The following FANCC variants were observed in gnomAD, a reference collection of about 807,000 sequenced individuals.
FANCC encodes the protein Fanconi anemia group C protein.
Under a neutral mutation model 71.3 loss-of-function variants are expected in FANCC, and 55 were observed. The observed-to-expected ratio is 0.77, with a 90% confidence interval of 0.62 to 0.97. FANCC has a LOEUF of 0.97. FANCC is among the 50% of genes least tolerant of loss of function. FANCC has a pLI of 0.00. For synonymous variants in FANCC, 275 were observed against 244.9 expected, an observed-to-expected ratio of 1.12 and a Z score of -1.15; for missense variants, 678 against 670.9, an observed-to-expected ratio of 1.01 and a Z score of -0.12.
intron 1 of FANCC, among the ~76,000 whole-genome samples, chr9:95,275,113 A>G (rs1211205011): frequency 6.6e-6 from 1 of 151,286 alleles, no homozygotes; most frequent in Non-Finnish European, 1.5e-5. Context: ...CTCTACAAAA[A>G]AAAAAAAAAA....
chr9:95,108,327 C>T (rs2071620623), intron 13 of FANCC, among the ~76,000 whole-genome samples: 1 of 152,214 alleles, frequency 6.6e-6, no homozygotes, highest in Non-Finnish European at 1.5e-5. Flanking sequence ...CGCCCCTCAG[C>T]CGGCCCAGCC....
At chr9:95,214,837 C>G (rs535903255) in intron 4 of FANCC, among the ~76,000 whole-genome samples, 1 of 151,984 alleles carries the variant, frequency 6.6e-6, no homozygotes, top group African/African-American at 2.4e-5. Flanking sequence ...ATGGTGGTGC[C>G]GGGGCAGAGG....
intron 4 of FANCC, among the ~76,000 whole-genome samples, chr9:95,218,101 A>T (rs940682925): frequency 7.2e-5 from 11 of 152,228 alleles, no homozygotes; most frequent in Non-Finnish European, 1.2e-4. Flanking sequence ...GCAATTTAAA[A>T]ACTTCCCCCA....
chr9:95,268,011 C>G (rs1406311030), intron 1 of FANCC, among the ~76,000 whole-genome samples: 1 of 152,210 alleles, frequency 6.6e-6, no homozygotes, highest in Non-Finnish European at 1.5e-5. Context: ...TGGCCTCACT[C>G]GGACCTGGCT....
At chr9:95,196,977 T>C (rs938443605) in intron 4 of FANCC, among the ~76,000 whole-genome samples, 9 of 152,182 alleles carry the variant, frequency 5.9e-5, no homozygotes, top group Non-Finnish European at 1.3e-4. Context: ...ATTTACTATA[T>C]CATGAGCTTT....
At chr9:95,101,936 G>A (rs2071096077) in intron 14 of FANCC, 86 bp from the exon 15 acceptor site, 3 of 1,484,864 alleles carry the variant, frequency 2.0e-6, no homozygotes, top group Non-Finnish European at 2.8e-6. Flanking sequence ...TAACCACCCA[G>A]TCCCTGAAAG....
chr9:95,128,692 G>A (rs1826395744), intron 8 of FANCC, among the ~76,000 whole-genome samples: 1 of 152,162 alleles, frequency 6.6e-6, no homozygotes, highest in South Asian at 2.1e-4. Context: ...TCAATCCAAT[G>A]TTTTAAATGC....
At chr9:95,309,781 G>A (rs1835275765) in intron 1 of FANCC, among the ~76,000 whole-genome samples, 1 of 152,182 alleles carries the variant, frequency 6.6e-6, no homozygotes, top group Non-Finnish European at 1.5e-5. Flanking sequence ...ACACATGTTT[G>A]TGGGGTGGGG....
chr9:95,126,219 T>A (rs1332929016), intron 9 of FANCC, among the ~76,000 whole-genome samples: 1 of 152,242 alleles, frequency 6.6e-6, no homozygotes, highest in Non-Finnish European at 1.5e-5. Context: ...CCCTTTATTC[T>A]GAGCTGAGAA....
Position 95,231,832 on chromosome 9 carries a change from C to T in FANCC, c.345+8817G>A, listed in dbSNP as rs906977336. Among the ~76,000 whole-genome samples, 100 of 152,192 alleles carry T rather than the reference C, an allele frequency of 6.6e-4. 1 individual carries two copies. Among genetic ancestry groups the T allele is most frequent in the Non-Finnish European group, 7.5e-4 (51 of 68,024 alleles). On this transcript the variant is annotated intron_variant, in intron 4 of 14. Coordinates refer to ENST00000289081, the MANE Select transcript of FANCC (RefSeq NM_000136.3). ...AGGTATTACTTGAAGGCCACTCTCT[C>T]TTTTGCCAAGATCTTGTGGTGACCT...
chr9:95,170,928 A>G, intron 6 of FANCC, 151 bp downstream of exon 6: 1 of 674,124 alleles, frequency 1.5e-6, no homozygotes, highest in Non-Finnish European at 2.7e-6. Context: ...AAAACTCACC[A>G]ATTTGCTATG....
At chr9:95,281,721 C>T (rs545908239) in intron 1 of FANCC, among the ~76,000 whole-genome samples, 2 of 151,806 alleles carry the variant, frequency 1.3e-5, no homozygotes, top group Non-Finnish European at 2.9e-5. Context: ...ATAATAGCTA[C>T]GATAATTTGT....
chr9:95,147,764 G>A (rs1829758294), intron 7 of FANCC, among the ~76,000 whole-genome samples: 1 of 152,120 alleles, frequency 6.6e-6, no homozygotes, highest in Non-Finnish European at 1.5e-5. Context: ...ATCATTCAGA[G>A]TCTGAAGAAA....
intron 1 of FANCC, among the ~76,000 whole-genome samples, chr9:95,298,776 T>C (rs1415553985): frequency 6.6e-6 from 1 of 152,200 alleles, no homozygotes; most frequent in South Asian, 2.1e-4. Flanking sequence ...CAAAACCAAC[T>C]GGCAAAATCA....
In FANCC at chr9:95,294,900, G is replaced by T. The variant is rs567695763; in HGVS notation, c.-79+22626C>A. 100 of 1,188,106 alleles carry T rather than the reference G, an allele frequency of 8.4e-5. 1 individual carries two copies. In the South Asian group the frequency reaches 2.0e-3, roughly 24 times the overall value. The allele number at this position is 1,188,106 out of a possible 1,614,324, so 73.6% of individuals were successfully genotyped here. A position where few individuals can be genotyped will look rare whatever the true frequency, so the allele number is the denominator to read the frequency against. ...GGGGGACAACAGTATTAATTCGATT[G>T]AATGTGGCTGATGATGCAGTTGCTT... On this transcript the variant is annotated intron_variant, in intron 1 of 14. Transcript: ENST00000289081.
intron 12 of FANCC, chr9:95,113,952 G>A (rs1251335671): frequency 1.3e-5 from 2 of 154,864 alleles, no homozygotes; most frequent in Non-Finnish European, 2.9e-5. Context: ...GCTAGGTGTG[G>A]TGGTACACGC....
At chr9:95,302,323 C>T (rs1313017006) in intron 1 of FANCC, among the ~76,000 whole-genome samples, 2 of 152,092 alleles carry the variant, frequency 1.3e-5, no homozygotes, top group Non-Finnish European at 2.9e-5. Flanking sequence ...CTGAACCCGG[C>T]GTCACTATTC....
intron 4 of FANCC, chr9:95,186,366 G>C (rs1243726047): frequency 6.6e-6 from 1 of 152,220 alleles, no homozygotes; most frequent in Non-Finnish European, 1.5e-5. Context: ...CCTCCTCAAT[G>C]CCAGGAGCCC....
At chr9:95,287,170 A>G (rs1008847026) in intron 1 of FANCC, among the ~76,000 whole-genome samples, 1 of 152,164 alleles carries the variant, frequency 6.6e-6, no homozygotes, top group Admixed American at 6.5e-5. Flanking sequence ...ATCTTGCCCA[A>G]GGTTACATAT....
Sources: gnomAD v4.1 joint callset for allele counts (sites outside exome capture counted in the v4.1 genomes callset) on GRCh38, gnomAD v4.1.1 for gene constraint, MANE v1.5 for transcripts, NCBI Gene and HGNC (gene_info 2026-07-23, HGNC 2026-07-21) for gene names.